Variants in C1orf141 observed in about 807,000 individuals in gnomAD.
C1orf141 encodes uncharacterized protein C1orf141.
Under a neutral mutation model 23.2 loss-of-function variants are expected in C1orf141, and 19 were observed. The observed-to-expected ratio is 0.82, with a 90% CI of 0.57 to 1.20. The LOEUF (loss-of-function observed/expected upper bound fraction) is 1.20. Ranked by LOEUF, C1orf141 falls within the 50% of genes most tolerant of loss-of-function variation. C1orf141 has a pLI of 0.00. For synonymous variants in C1orf141, 153 were observed against 154.6 expected, an observed-to-expected ratio of 0.99 and a Z score of 0.08; for missense variants, 469 against 455.1, an observed-to-expected ratio of 1.03 and a Z score of -0.28.
chr1:67,093,011 G>A lies in C1orf141; in HGVS notation c.1197C>T (p.Ala399=). 6.4e-7 allele frequency: 1 copy of A among 1,574,068 alleles called. No homozygotes were observed. Among genetic ancestry groups the A allele is most frequent in the Non-Finnish European group, 8.7e-7 (1 of 1,152,584 alleles). ...TTGCTGCATACATAATATTTTATGA[G>A]GCATTTAAAATTTCATTTGATAAGT... The part of the protein sequence containing the change: ...LLNLSNEILN[A]S Residue 399 remains alanine (A), a synonymous_variant, in exon 8 of 8, where the codon GCC becomes GCT. Coordinates refer to ENST00000684719, the MANE Select transcript of C1orf141 (RefSeq NM_001276351.2).
chr1:67,131,877 CG>C (rs1233047822), intron 1 of C1orf141, among the ~76,000 whole-genome samples: 1 of 151,042 alleles, frequency 6.6e-6, no homozygotes, highest in Non-Finnish European at 1.5e-5. Context: ...TTCCACCTCC[CG>C]GGTTCAAGTG....
chr1:67,115,207 G>T, intron 5 of C1orf141, 145 bp downstream of exon 5: 1 of 508,048 alleles, frequency 2.0e-6, no homozygotes, highest in Non-Finnish European at 3.5e-6. Flanking sequence ...CTTCTTCTTA[G>T]TAAGTTCTTT....
intron 2 of C1orf141, among the ~76,000 whole-genome samples, chr1:67,129,845 C>G (rs1236838106): frequency 3.3e-5 from 5 of 152,146 alleles, no homozygotes; most frequent in Admixed American, 3.3e-4. Flanking sequence ...TCACTAGTGC[C>G]AATTTGTAAC....
At chr1:67,130,534 CAT>C (rs1646497545) in intron 2 of C1orf141, among the ~76,000 whole-genome samples, 1 of 152,178 alleles carries the variant, frequency 6.6e-6, no homozygotes, top group African/African-American at 2.4e-5. Context: ...TACACACACA[CAT>C]ACGCACATGC....
At chr1:67,130,169 A>G (rs550610728) in intron 2 of C1orf141, among the ~76,000 whole-genome samples, 1 of 152,290 alleles carries the variant, frequency 6.6e-6, no homozygotes, top group African/African-American at 2.4e-5. Flanking sequence ...AAACTAAACT[A>G]AAACTCTCCG....
intron 5 of C1orf141, among the ~76,000 whole-genome samples, chr1:67,098,575 C>T (rs1035561021): frequency 6.6e-6 from 1 of 151,828 alleles, no homozygotes; most frequent in Non-Finnish European, 1.5e-5. Flanking sequence ...AGGCAGCCAA[C>T]AAAATCTACA....
upstream of C1orf141, among the ~76,000 whole-genome samples, chr1:67,135,532 A>G (rs1386512852): frequency 6.6e-6 from 1 of 152,174 alleles, no homozygotes; most frequent in Non-Finnish European, 1.5e-5. Flanking sequence ...CATTTTTATG[A>G]GACATAATGG....
At chr1:67,126,003 C>T (rs537263306) in intron 3 of C1orf141, 94 bp from the exon 4 acceptor site, 2 of 864,666 alleles carry the variant, frequency 2.3e-6, no homozygotes, top group Admixed American at 7.5e-5. Context: ...TCTCACTTTA[C>T]ACACACACAC....
Position 67,092,678 on chromosome 1 carries a change from G to A in C1orf141, c.*327C>T, listed in dbSNP as rs768687207. Reference sequence around the variant, plus strand: ...TTGATGTTATTTGGCTTCCAACAGCGCATTTCCAGAGTCAGACTATGCCTT... The same window carrying A: ...TTGATGTTATTTGGCTTCCAACAGCACATTTCCAGAGTCAGACTATGCCTT... On this transcript the variant is annotated 3_prime_UTR_variant, in exon 8 of 8. Transcript: ENST00000684719. The A allele has an allele frequency of 6.9e-5, 12 of 173,370 alleles. No homozygotes were observed. The highest frequency in any genetic ancestry group is 2.4e-4 in the African/African-American group (10 of 41,644). The allele number at this position is 173,370 out of a possible 1,614,324, so 10.7% of individuals were successfully genotyped here.
intron 4 of C1orf141, chr1:67,122,492 T>C (rs192362952): frequency 3.9e-5 from 6 of 152,242 alleles, no homozygotes; most frequent in African/African-American, 1.4e-4. Context: ...AACTGAGAAC[T>C]GTTCCACCTT....
At chr1:67,110,012 C>T (rs1326253887) in intron 5 of C1orf141, among the ~76,000 whole-genome samples, 1 of 151,756 alleles carries the variant, frequency 6.6e-6, no homozygotes, top group African/African-American at 2.4e-5. Flanking sequence ...ATGATTATTA[C>T]AGAGACATTA....
At chr1:67,101,628 T>G (rs1302938301) in intron 5 of C1orf141, among the ~76,000 whole-genome samples, 1 of 152,136 alleles carries the variant, frequency 6.6e-6, no homozygotes, top group East Asian at 1.9e-4. Context: ...TATTATAATA[T>G]GAGGCAGATT....
chr1:67,134,891 T>TTTTCAACTC (rs1430572715), intron 1 of C1orf141, 39 bp downstream of exon 1: 1 of 152,350 alleles, frequency 6.6e-6, no homozygotes, highest in East Asian at 1.9e-4. Flanking sequence ...CAAATTTTGA[T>TTTTCAACTC]TTTCAACTCT....
chr1:67,126,460 A>C (rs1362949596), intron 3 of C1orf141, among the ~76,000 whole-genome samples: 1 of 152,256 alleles, frequency 6.6e-6, no homozygotes, highest in Non-Finnish European at 1.5e-5. Context: ...ATTATCTCAG[A>C]GCATAGCTCA....
intron 7 of C1orf141, 22 bp downstream of exon 7, chr1:67,095,213 C>T (rs199867194): frequency 1.9e-4 from 256 of 1,356,960 alleles, no homozygotes; most frequent in Middle Eastern, 7.4e-4. Context: ...ATTTACTTAA[C>T]AATAGATGAT....
At chr1:67,125,542 A>G (rs1290790388) in intron 4 of C1orf141, among the ~76,000 whole-genome samples, 2 of 152,118 alleles carry the variant, frequency 1.3e-5, no homozygotes, top group Non-Finnish European at 2.9e-5. Flanking sequence ...TATAAAAAAT[A>G]CAAAAAATTA....
intron 7 of C1orf141, chr1:67,094,051 T>C (rs1015219968): frequency 6.5e-6 from 1 of 152,710 alleles, no homozygotes; most frequent in Non-Finnish European, 1.5e-5. Context: ...CTGGATATTC[T>C]AGTAAGTAAT....
At chr1:67,125,178 T>G (rs1228726733) in intron 4 of C1orf141, among the ~76,000 whole-genome samples, 1 of 152,170 alleles carries the variant, frequency 6.6e-6, no homozygotes, top group Non-Finnish European at 1.5e-5. Context: ...TGACATTAAT[T>G]TGGGGCAATA....
chr1:67,116,666 T>C (rs527755778), intron 4 of C1orf141, among the ~76,000 whole-genome samples: 1 of 152,252 alleles, frequency 6.6e-6, no homozygotes, highest in Admixed American at 6.5e-5. Context: ...ACTCCAGGCC[T>C]CTCTCTGCAT....
Sources: gnomAD v4.1 joint callset for allele counts (sites outside exome capture counted in the v4.1 genomes callset) on GRCh38, gnomAD v4.1.1 for gene constraint, MANE v1.5 for transcripts, NCBI Gene and HGNC (gene_info 2026-07-23, HGNC 2026-07-21) for gene names.